The following MTX2 variants were observed in gnomAD, a reference collection of about 807,000 sequenced individuals.
The protein encoded by MTX2 is metaxin-2.
A neutral mutation model predicts 42.3 loss-of-function variants in MTX2; 35 were observed. The observed-to-expected ratio is 0.83, with a 90% CI of 0.63 to 1.10. The LOEUF is 1.10. Ranked by LOEUF, MTX2 falls within the 50% of genes least tolerant of loss-of-function variation. The pLI is 0.00. For synonymous variants in MTX2, 119 were observed against 100.9 expected (o/e 1.18, Z -1.08); for missense variants, 307 against 304.1 (o/e 1.01, Z -0.07).
chr2:176,299,002 A>G (rs893918487), intron 3 of MTX2, among the ~76,000 whole-genome samples: 2 of 152,072 alleles, frequency 1.3e-5, no homozygotes, highest in African/African-American at 2.4e-5. Context: ...CTAAAACTAC[A>G]TAATACTAGT....
intron 3 of MTX2, among the ~76,000 whole-genome samples, chr2:176,313,140 A>T (rs897831270): frequency 1.3e-5 from 2 of 151,856 alleles, no homozygotes; most frequent in Non-Finnish European, 2.9e-5. Flanking sequence ...ATGAGTATTT[A>T]TTATTATGAA....
At chr2:176,300,671 G>A (rs1242773866) in intron 3 of MTX2, among the ~76,000 whole-genome samples, 1 of 152,048 alleles carries the variant, frequency 6.6e-6, no homozygotes, top group East Asian at 1.9e-4. Flanking sequence ...AGTATATGCT[G>A]TCTTTTATAG....
intron 3 of MTX2, among the ~76,000 whole-genome samples, chr2:176,310,999 G>C (rs548107354): frequency 1.4e-4 from 21 of 152,280 alleles, no homozygotes; most frequent in African/African-American, 4.8e-4. Flanking sequence ...AGAATTTTTA[G>C]CTTTTCTGCT....
At position 176,323,389 on chromosome 2, in the gene MTX2, C is replaced by T. The variant is rs1368387046; in HGVS notation, c.136-3C>T. On this transcript the variant is annotated splice_polypyrimidine_tract_variant and splice_region_variant and intron_variant, in intron 3 of 9. Transcript: ENST00000249442. ...GGCTTATTGTATGTATCTTGATTTA[C>T]AGGCCTTTTTGCAAATGTGTAACTT... is the stretch of plus-strand genomic sequence containing the variant. 5 of 1,609,758 alleles carry T rather than the reference C, an allele frequency of 3.1e-6. No individual in the cohort carries two copies. Among genetic ancestry groups the T allele is most frequent in the Non-Finnish European group, 4.2e-6 (5 of 1,177,090 alleles).
At chr2:176,319,192 T>C (rs1684515705) in intron 3 of MTX2, among the ~76,000 whole-genome samples, 1 of 152,206 alleles carries the variant, frequency 6.6e-6, no homozygotes, top group Non-Finnish European at 1.5e-5. Flanking sequence ...TCCATAAGAA[T>C]AAAAATATGC....
At chr2:176,277,396 A>G (rs1324014736) in intron 1 of MTX2, among the ~76,000 whole-genome samples, 2 of 152,192 alleles carry the variant, frequency 1.3e-5, no homozygotes, top group African/African-American at 2.4e-5. Flanking sequence ...AATACAATGC[A>G]TTAAATTCAT....
chr2:176,313,909 G>A lies in MTX2; in HGVS notation c.136-9483G>A, dbSNP rs78347397. On this transcript the variant is annotated intron_variant, in intron 3 of 9. Coordinates refer to ENST00000249442, the MANE Select transcript of MTX2 (RefSeq NM_006554.5). The stretch of plus-strand genomic sequence containing the variant: ...AGGGTTTATGACTCAGCAACAGAAA[G>A]TAAGAATAAAGGATGGTAAGGACAG... 4.6e-4 allele frequency among the ~76,000 whole-genome samples: 70 copies of A among 152,232 alleles called. No individual in the cohort carries two copies. The East Asian group carries it at 0.012, about 26-fold the overall frequency.
chr2:176,285,838 A>T (rs145272825), intron 1 of MTX2, among the ~76,000 whole-genome samples: 1 of 152,356 alleles, frequency 6.6e-6, no homozygotes, highest in Non-Finnish European at 1.5e-5. Context: ...TAATGCTGCT[A>T]TGAACATTTG....
At chr2:176,277,607 G>A (rs1250355741) in intron 1 of MTX2, among the ~76,000 whole-genome samples, 1 of 152,146 alleles carries the variant, frequency 6.6e-6, no homozygotes, top group African/African-American at 2.4e-5. Context: ...TCTCCACATT[G>A]TTCAGGCTGG....
chr2:176,323,178 A>G (rs1211339687), intron 3 of MTX2, among the ~76,000 whole-genome samples: 5 of 151,856 alleles, frequency 3.3e-5, no homozygotes, highest in Non-Finnish European at 7.4e-5. Flanking sequence ...TTTAAGTTTC[A>G]TGTATTTACT....
At chr2:176,292,595 A>G (rs772371813) in intron 1 of MTX2, among the ~76,000 whole-genome samples, 2 of 152,164 alleles carry the variant, frequency 1.3e-5, no homozygotes, top group African/African-American at 4.8e-5. Flanking sequence ...AATAATTTTC[A>G]TGATTCATAG....
At chr2:176,294,246 C>G (rs2105410747) in intron 1 of MTX2, among the ~76,000 whole-genome samples, 1 of 147,860 alleles carries the variant, frequency 6.8e-6, no homozygotes, top group African/African-American at 2.5e-5. Context: ...TGGATGAGAT[C>G]TGGAGAATCC....
intron 4 of MTX2, among the ~76,000 whole-genome samples, chr2:176,325,787 A>G (rs1684693681): frequency 1.3e-5 from 2 of 151,800 alleles, no homozygotes; most frequent in African/African-American, 2.4e-5. Flanking sequence ...TGCAAGATTT[A>G]TAAAGCAGTA....
intron 3 of MTX2, among the ~76,000 whole-genome samples, chr2:176,322,775 G>C (rs71421563): frequency 0.06 from 9,063 of 151,886 alleles, 300 homozygotes; most frequent in Non-Finnish European, 0.08. Context: ...GCATTCCATA[G>C]TTTGGATTTA....
intron 1 of MTX2, among the ~76,000 whole-genome samples, chr2:176,284,845 C>T (rs1693158008): frequency 1.3e-5 from 2 of 152,154 alleles, no homozygotes; most frequent in African/African-American, 4.8e-5. Flanking sequence ...CTAGGATGGT[C>T]TTTGTTGTGG....
chr2:176,295,805 A>C (rs1261443511), intron 1 of MTX2, among the ~76,000 whole-genome samples: 1 of 152,210 alleles, frequency 6.6e-6, no homozygotes, highest in Non-Finnish European at 1.5e-5. Context: ...TCACATGTAT[A>C]AATTTCTTTT....
Position 176,328,861 on chromosome 2 carries a change from C to G in MTX2, c.379-13C>G. 1 of 1,602,278 alleles carries G rather than the reference C, an allele frequency of 6.2e-7. No homozygotes were observed. Among genetic ancestry groups the G allele is most frequent in the Non-Finnish European group, 8.5e-7 (1 of 1,172,752 alleles). ...GGTATTCTAAAGTTTAGTGACTGTT[C>G]TTTTGTTCCTAGCTGTATCTTCAGT... is the stretch of plus-strand genomic sequence containing the variant. On this transcript the variant is annotated splice_polypyrimidine_tract_variant and intron_variant, in intron 6 of 9. Transcript: ENST00000249442.
chr2:176,327,576 A>AT (rs35686950), intron 5 of MTX2, among the ~76,000 whole-genome samples: 56,955 of 145,078 alleles, frequency 0.39, 12,723 homozygotes, highest in Admixed American at 0.55. Context: ...TATATATATT[A>AT]TTTTTTTTTT....
chr2:176,294,955 CAATTTTA>C (rs534290521), intron 1 of MTX2, among the ~76,000 whole-genome samples: 213 of 152,248 alleles, frequency 1.4e-3, no homozygotes, highest in African/African-American at 4.5e-3. Flanking sequence ...AAAATTACCA[CAATTTTA>C]AATTAGAATA....
Sources: gnomAD v4.1 joint callset for allele counts (sites outside exome capture counted in the v4.1 genomes callset) on GRCh38, gnomAD v4.1.1 for gene constraint, MANE v1.5 for transcripts, NCBI Gene and HGNC (gene_info 2026-07-23, HGNC 2026-07-21) for gene names.